The following ANKRD30B variants were observed in gnomAD, a reference collection of about 807,000 sequenced individuals.
ANKRD30B encodes the protein ankyrin repeat domain 30B.
In ANKRD30B, 144 loss-of-function variants were observed where a neutral mutation model predicts 202.2. The ratio of observed to expected loss-of-function variants is 0.71; its 90% CI spans 0.62 to 0.82. ANKRD30B has a LOEUF of 0.82. Among genes scored for constraint, ANKRD30B ranks in the 40% least tolerant of loss-of-function variants. The pLI is 0.00. For missense variants in ANKRD30B, 1,487 were observed against 1,669.1 expected (o/e 0.89, Z 1.90); for synonymous variants, 508 against 561.3 (o/e 0.91, Z 1.34).
At chr18:14,821,124 A>C (rs1263482039) in intron 30 of ANKRD30B, among the ~76,000 whole-genome samples, 2 of 152,152 alleles carry the variant, frequency 1.3e-5, no homozygotes, top group East Asian at 3.9e-4. Context: ...TTATCTATTT[A>C]TTCTAGATTT....
chr18:14,788,183 ATGTAT>A (rs1485396446), intron 15 of ANKRD30B, among the ~76,000 whole-genome samples: 2 of 152,292 alleles, frequency 1.3e-5, no homozygotes, highest in Non-Finnish European at 2.9e-5. Context: ...CAAGTAGAAA[ATGTAT>A]TGTATTTTGT....
chr18:14,884,750 T>C, the ANKRD30B span, among the ~76,000 whole-genome samples: 1 of 152,228 alleles, frequency 6.6e-6, no homozygotes, highest in East Asian at 1.9e-4. Flanking sequence ...AATCAGATGT[T>C]ACTGGAAAGA....
chr18:14,784,261 T>A, intron 12 of ANKRD30B, 75 bp from the exon 13 acceptor site: 1 of 1,428,960 alleles, frequency 7.0e-7, no homozygotes, highest in South Asian at 1.2e-5. Flanking sequence ...CTCAGTTAGA[T>A]ACTATCACTG....
At chr18:14,890,218 C>G in the ANKRD30B span, 2 of 533,884 alleles carry the variant, frequency 3.7e-6, no homozygotes, top group Non-Finnish European at 6.7e-6. Flanking sequence ...ATTATTTACA[C>G]AGCCCAAGAC....
At chr18:14,868,140 C>G in the ANKRD30B span, among the ~76,000 whole-genome samples, 2 of 152,280 alleles carry the variant, frequency 1.3e-5, no homozygotes, top group African/African-American at 4.8e-5. Flanking sequence ...GACAGCAGCG[C>G]TGGTTCCTTT....
At chr18:14,935,654 T>G in the ANKRD30B span, among the ~76,000 whole-genome samples, 248 of 152,356 alleles carry the variant, frequency 1.6e-3, 3 homozygotes, top group African/African-American at 5.7e-3. Context: ...CTGGGTATGG[T>G]ATGTGCATGA....
chr18:14,810,338 C>A (rs1442069797), intron 28 of ANKRD30B, among the ~76,000 whole-genome samples, 158 bp downstream of exon 28: 10 of 151,066 alleles, frequency 6.6e-5, no homozygotes, highest in African/African-American at 2.4e-4. Context: ...TGAGAAAATG[C>A]CATTTAGAAG....
chr18:14,900,788 C>T, the ANKRD30B span, among the ~76,000 whole-genome samples: 1 of 152,128 alleles, frequency 6.6e-6, no homozygotes, highest in Non-Finnish European at 1.5e-5. Flanking sequence ...TTTGTGCTCA[C>T]TTTTAATCCC....
chr18:14,799,065 G>C, intron 20 of ANKRD30B, 36 bp from the exon 21 acceptor site: 1 of 1,526,222 alleles, frequency 6.6e-7, no homozygotes, highest in Admixed American at 1.7e-5. Flanking sequence ...TGTCAAGCTT[G>C]CATATAATCA....
At chr18:14,883,384 T>TCC in the ANKRD30B span, 1 of 96,562 alleles carries the variant, frequency 1.0e-5, no homozygotes, top group African/African-American at 5.4e-5. Context: ...TCTCTCTCTC[T>TCC]CTCTCTCTCT....
At chr18:14,755,767 T>C (rs1914249897) in intron 4 of ANKRD30B, among the ~76,000 whole-genome samples, 2 of 152,182 alleles carry the variant, frequency 1.3e-5, no homozygotes, top group Admixed American at 6.5e-5. Context: ...TATTCCATGG[T>C]GTATATGTGC....
intron 39 of ANKRD30B, 68 bp from the exon 40 acceptor site, chr18:14,848,648 T>C (rs1971752020): frequency 8.0e-7 from 1 of 1,252,624 alleles, no homozygotes; most frequent in Non-Finnish European, 1.1e-6. Flanking sequence ...TAGTGATTGT[T>C]AAAATATGCA....
chr18:14,874,155 A>G, the ANKRD30B span, among the ~76,000 whole-genome samples: 1 of 152,234 alleles, frequency 6.6e-6, no homozygotes, highest in South Asian at 2.1e-4. Context: ...AGCCTGGCAC[A>G]GAGTAAGTGA....
intron 6 of ANKRD30B, among the ~76,000 whole-genome samples, chr18:14,762,203 T>C (rs1160061674): frequency 1.3e-5 from 2 of 152,222 alleles, no homozygotes; most frequent in African/African-American, 4.8e-5. Context: ...CTTGCCATCT[T>C]GCAGTGGGAA....
rs974808835 is a variant in ANKRD30B, at chr18:14,760,578, T to C, written c.780T>C (p.His260=). Residue 260 remains histidine (H), a synonymous_variant, in exon 6 of 44, where the codon CAT becomes CAC. Transcript: ENST00000690538. The stretch of plus-strand genomic sequence containing the variant: ...GCATTCATCAACAACTTTTGGAACA[T>C]ATACGAAAATTACCTAAAAATCCTC... ...VNYIHQQLLE[H]IRKLPKNPQN... The C allele has an allele frequency of 1.0e-5, 16 of 1,527,910 alleles. No homozygotes were observed. Among genetic ancestry groups the C allele is most frequent in the Middle Eastern group, 1.7e-4 (1 of 5,954 alleles). The allele number at this position is 1,527,910 out of a possible 1,614,324, so 94.6% of individuals were successfully genotyped here.
chr18:14,823,605 C>G (rs1170798009), intron 32 of ANKRD30B, among the ~76,000 whole-genome samples: 1 of 151,980 alleles, frequency 6.6e-6, no homozygotes, highest in African/African-American at 2.4e-5. Context: ...TCTTTTTATG[C>G]TACTGTAATT....
At chr18:14,821,971 T>C (rs1399921505) in intron 30 of ANKRD30B, among the ~76,000 whole-genome samples, 6 of 152,204 alleles carry the variant, frequency 3.9e-5, no homozygotes, top group Middle Eastern at 3.2e-3. Flanking sequence ...AATTGTACCT[T>C]TGAATTCTCA....
rs556057007 is a variant in ANKRD30B at position 14,828,157 on chromosome 18, C to T, written c.2744-121C>T. ...TGGACCTCTCAGATGATCCTCCTGC[C>T]TCACCTTCCCAAGTAGCTGGGATTA... On this transcript the variant is annotated intron_variant, in intron 32 of 43. Transcript: ENST00000690538. The T allele has an allele frequency of 8.3e-6, 6 of 726,230 alleles. No homozygotes were observed. The Admixed American group carries it at 1.8e-4, about 21-fold the overall frequency. The allele number at this position is 726,230 out of a possible 1,614,324, so 45.0% of individuals were successfully genotyped here.
intron 34 of ANKRD30B, among the ~76,000 whole-genome samples, chr18:14,834,201 G>A (rs1183193990): frequency 2.0e-5 from 3 of 151,944 alleles, no homozygotes; most frequent in Non-Finnish European, 4.4e-5. Context: ...TAATACAACT[G>A]TAAATTGTGA....
Sources: allele counts gnomAD v4.1 joint callset (sites outside exome capture counted in the v4.1 genomes callset), GRCh38; gene constraint gnomAD v4.1.1; transcripts MANE v1.5; gene names NCBI Gene and HGNC (gene_info 2026-07-23, HGNC 2026-07-21).